The following RYR2 variants were observed in gnomAD, a reference collection of about 807,000 sequenced individuals.
The protein encoded by RYR2 is cardiac muscle ryanodine receptor-calcium release channel.
A neutral mutation model predicts 601.1 loss-of-function variants in RYR2; 227 were observed. That is an observed-to-expected ratio of 0.38 (90% confidence interval 0.34 to 0.42). The LOEUF is 0.42. Among genes scored for constraint, RYR2 ranks in the 10% least tolerant of loss-of-function variants. RYR2 has a pLI of 1.00. For synonymous variants in RYR2, 2,223 were observed against 2,175.1 expected, an observed-to-expected ratio of 1.02 and a Z score of -0.61; for missense variants, 4,646 against 6,156.5, an observed-to-expected ratio of 0.75 and a Z score of 8.21.
At chr1:237,239,871 C>T (rs1685964052) in intron 1 of RYR2, among the ~76,000 whole-genome samples, 1 of 152,196 alleles carries the variant, frequency 6.6e-6, no homozygotes, top group African/African-American at 2.4e-5. Flanking sequence ...TTTTCATCAA[C>T]TGTTTACTCT....
At chr1:237,195,315 G>T (rs1478345871) in intron 1 of RYR2, among the ~76,000 whole-genome samples, 1 of 152,182 alleles carries the variant, frequency 6.6e-6, no homozygotes, top group East Asian at 1.9e-4. Flanking sequence ...GTGCAATGAT[G>T]TGATCTCGGT....
intron 14 of RYR2, among the ~76,000 whole-genome samples, chr1:237,446,835 G>A (rs1708385874): frequency 6.6e-6 from 1 of 151,942 alleles, no homozygotes; most frequent in Non-Finnish European, 1.5e-5. Context: ...TTACTTTTCA[G>A]TATTATTTGT....
chr1:237,611,353 G>T (rs911757435), intron 36 of RYR2, among the ~76,000 whole-genome samples: 5 of 152,018 alleles, frequency 3.3e-5, no homozygotes, highest in African/African-American at 1.2e-4. Flanking sequence ...ATTAGAGATG[G>T]AATCATAAGA....
intron 3 of RYR2, among the ~76,000 whole-genome samples, chr1:237,331,496 T>C (rs1271149137): frequency 6.6e-6 from 1 of 151,936 alleles, no homozygotes; most frequent in Non-Finnish European, 1.5e-5. Flanking sequence ...CCTCTGAAAA[T>C]TGAAATTTTT....
intron 84 of RYR2, among the ~76,000 whole-genome samples, chr1:237,767,687 A>G (rs1693947211): frequency 6.6e-6 from 1 of 152,210 alleles, no homozygotes; most frequent in Admixed American, 6.5e-5. Flanking sequence ...TTACTTTTTA[A>G]TTGAATTGTA....
At chr1:237,593,708 C>T (rs1675494803) in intron 33 of RYR2, 72 bp downstream of exon 33, 2 of 1,485,080 alleles carry the variant, frequency 1.3e-6, no homozygotes, top group Non-Finnish European at 9.3e-7. Flanking sequence ...ATTCCTTTTC[C>T]TTGTATTTTG....
intron 96 of RYR2, among the ~76,000 whole-genome samples, chr1:237,797,690 A>C (rs926345798): frequency 1.6e-4 from 25 of 152,262 alleles, no homozygotes; most frequent in African/African-American, 6.0e-4. Flanking sequence ...GTCACATGGA[A>C]TGAAGCATAA....
At chr1:237,669,365 A>G (rs1318237959) in intron 58 of RYR2, among the ~76,000 whole-genome samples, 2 of 152,074 alleles carry the variant, frequency 1.3e-5, no homozygotes, top group Admixed American at 6.5e-5. Context: ...CATTGTCATC[A>G]TGGCCCGTTC....
intron 1 of RYR2, among the ~76,000 whole-genome samples, chr1:237,171,307 T>C (rs1480778785): frequency 6.6e-6 from 1 of 152,044 alleles, no homozygotes; most frequent in Non-Finnish European, 1.5e-5. Context: ...TCAGTAACAG[T>C]ATACCTTTTG....
chr1:237,117,666 CTCTTCCTTCTCTTCT>C (rs1670241211), intron 1 of RYR2, among the ~76,000 whole-genome samples: 3 of 143,454 alleles, frequency 2.1e-5, no homozygotes, highest in African/African-American at 5.2e-5. Flanking sequence ...CTCTTCTCTT[CTCTTCCTTCTCTTCT>C]CTTCTCTTCT....
chr1:237,514,823 G>A (rs573529878), intron 24 of RYR2, among the ~76,000 whole-genome samples: 1 of 152,264 alleles, frequency 6.6e-6, no homozygotes, highest in Admixed American at 6.5e-5. Flanking sequence ...AATTATTATA[G>A]GGACTAACTA....
intron 1 of RYR2, among the ~76,000 whole-genome samples, chr1:237,079,331 T>C (rs1304856197): frequency 1.8e-4 from 1 of 5,608 alleles, no homozygotes; most frequent in Non-Finnish European, 2.8e-4. Flanking sequence ...AAAGAGGAAG[T>C]CAAATTGTCC....
chr1:237,757,868 T>A, intron 82 of RYR2, 92 bp downstream of exon 82: 1 of 808,170 alleles, frequency 1.2e-6, no homozygotes, highest in Non-Finnish European at 2.0e-6. Context: ...TTATTTTCTA[T>A]GTACAATATG....
At chr1:237,328,987 G>T (rs541536697) in intron 2 of RYR2, among the ~76,000 whole-genome samples, 24 of 152,152 alleles carry the variant, frequency 1.6e-4, no homozygotes, top group Admixed American at 3.3e-4. Context: ...GCTTGTACCT[G>T]GTTGGACTGC....
At chr1:237,711,861 G>A (rs1230979037) in intron 71 of RYR2, 24 bp downstream of exon 71, 2 of 1,061,062 alleles carry the variant, frequency 1.9e-6, no homozygotes, top group East Asian at 2.4e-5. Flanking sequence ...CTGTTTCACT[G>A]TTCTGGAAAA....
intron 1 of RYR2, among the ~76,000 whole-genome samples, chr1:237,228,771 A>C (rs1235980333): frequency 6.6e-6 from 1 of 152,218 alleles, no homozygotes; most frequent in Non-Finnish European, 1.5e-5. Flanking sequence ...CATAAGGGAA[A>C]AAAAAAGAGT....
At chr1:237,480,488 T>G (rs144524687) in intron 17 of RYR2, among the ~76,000 whole-genome samples, 94 of 152,320 alleles carry the variant, frequency 6.2e-4, no homozygotes, top group African/African-American at 2.2e-3. Context: ...AATAAATGTT[T>G]GTATAGCATA....
At chr1:237,151,255 G>A (rs1352661513) in intron 1 of RYR2, among the ~76,000 whole-genome samples, 3 of 152,088 alleles carry the variant, frequency 2.0e-5, no homozygotes, top group Admixed American at 6.5e-5. Flanking sequence ...TGCTTCTCCC[G>A]AAGGGCATTA....
intron 10 of RYR2, among the ~76,000 whole-genome samples, chr1:237,403,192 G>A (rs966430303): frequency 9.2e-5 from 14 of 152,082 alleles, no homozygotes; most frequent in African/African-American, 3.4e-4. Flanking sequence ...GAAAAACTAT[G>A]ACCCCTAAAT....
Sources: allele counts gnomAD v4.1 joint callset (sites outside exome capture counted in the v4.1 genomes callset), GRCh38; gene constraint gnomAD v4.1.1; transcripts MANE v1.5; gene names NCBI Gene and HGNC (gene_info 2026-07-23, HGNC 2026-07-21).